Variants in CASR observed in about 807,000 individuals in gnomAD.
CASR encodes the protein calcium sensing receptor, also known as extracellular calcium-sensing receptor.
CASR carries 23 observed loss-of-function variants against 69.1 expected under a neutral mutation model. That is an observed-to-expected ratio of 0.33 (90% CI 0.24 to 0.47). The LOEUF is 0.47. Ranked by LOEUF, CASR falls within the 20% of genes least tolerant of loss-of-function variation. CASR has a pLI of 1.00. For synonymous variants in CASR, 541 were observed against 544.7 expected (o/e 0.99, Z 0.10); for missense variants, 924 against 1,356.1 (o/e 0.68, Z 5.00).
In CASR at chr3:122,283,583, A is replaced by G. The variant is rs961590751; in HGVS notation, c.1733-104A>G. The G allele has an allele frequency of 1.3e-4, 115 of 870,064 alleles. 1 individual carries two copies. In the South Asian group the frequency reaches 1.6e-3, roughly 12 times the overall value. The allele number at this position is 870,064 out of a possible 1,614,324, so 53.9% of individuals were successfully genotyped here. A position where few individuals can be genotyped will look rare whatever the true frequency, so the allele number is the denominator to read the frequency against. ...TTTCATCAAAATGGAGAAAATATGT[A>G]GTGACCACATCCAAAAAACTATGTA... On this transcript the variant is annotated intron_variant, in intron 6 of 6. Transcript: ENST00000639785.
intron 1 of CASR, among the ~76,000 whole-genome samples, chr3:122,229,744 C>G (rs936019884): frequency 7.3e-5 from 11 of 150,890 alleles, no homozygotes; most frequent in Non-Finnish European, 1.6e-4. Context: ...CACCTGTAAT[C>G]TCAGCTACTC....
At chr3:122,256,385 TTTTA>T (rs1265606645) in intron 2 of CASR, among the ~76,000 whole-genome samples, 2 of 152,262 alleles carry the variant, frequency 1.3e-5, no homozygotes, top group East Asian at 1.9e-4. Context: ...TACATATTGC[TTTTA>T]TTTAAGTACC....
rs2074527950 is a variant in CASR, at chr3:122,254,202, A to G, written c.13A>G (p.Ser5Gly). The change falls in exon 2 of 7, where the codon AGC becomes GGC. Residue 5 changes from serine (S) to glycine (G), a missense_variant. By Grantham distance (56) the Ser-to-Gly change is moderately conservative (BLOSUM62 0). This residue lies in a region of CASR where 28 missense variants were observed against 22.1 expected (regional missense o/e 1.27). Transcript: ENST00000639785. Reference sequence around the variant, plus strand: ...AGACGGCAGAACCATGGCATTTTATAGCTGCTGCTGGGTCCTCTTGGCACT... The same window carrying G: ...AGACGGCAGAACCATGGCATTTTATGGCTGCTGCTGGGTCCTCTTGGCACT... MAFY[S>G]CCWVLLALTW... 6.2e-7 allele frequency: 1 copy of G among 1,613,010 alleles called. No homozygotes were observed. The highest frequency in any genetic ancestry group is 1.3e-5 in the African/African-American group (1 of 74,888).
In CASR at chr3:122,261,605, T is replaced by C; in HGVS notation, c.570T>C (p.Asp190=). Residue 190 remains aspartate, a synonymous_variant, in exon 4 of 7, where the codon GAT becomes GAC. Coordinates refer to ENST00000639785, the MANE Select transcript of CASR (RefSeq NM_000388.4). Reference sequence around the variant, plus strand: ...CTTTCCTCCGAACCATCCCCAATGATGAGCACCAGGCCACTGCCATGGCAG... The same window carrying C: ...CTTTCCTCCGAACCATCCCCAATGACGAGCACCAGGCCACTGCCATGGCAG... ...FKSFLRTIPN[D]EHQATAMADI... 1 of 1,614,208 alleles carries C rather than the reference T, an allele frequency of 6.2e-7. No homozygotes were observed. The highest frequency in any genetic ancestry group is 8.5e-7 in the Non-Finnish European group (1 of 1,180,018).
chr3:122,261,306 G>T (rs191797312), intron 3 of CASR, among the ~76,000 whole-genome samples: 3 of 152,254 alleles, frequency 2.0e-5, no homozygotes, highest in Non-Finnish European at 4.4e-5. Context: ...TGGGAATTGG[G>T]ATGCTCCCTC....
At position 122,270,724 on chromosome 3, in the gene CASR, C is replaced by T. The variant is rs556007912; in HGVS notation, c.1378-5088C>T. On this transcript the variant is annotated intron_variant, in intron 4 of 6. Coordinates refer to ENST00000639785, the MANE Select transcript of CASR (RefSeq NM_000388.4). ...TTTCATTTTAATTCAATTTAAAATACGTTCCAACTTTCCTTTTGATTTCTT... is the reference window on the plus strand; with the variant it reads ...TTTCATTTTAATTCAATTTAAAATATGTTCCAACTTTCCTTTTGATTTCTT... Among the ~76,000 whole-genome samples the T allele has an allele frequency of 2.1e-3, 319 of 152,202 alleles. 2 individuals carry two copies. The highest frequency in any genetic ancestry group is 7.4e-3 in the African/African-American group (306 of 41,540).
intron 1 of CASR, among the ~76,000 whole-genome samples, chr3:122,244,449 G>GA (rs33998636): frequency 0.67 from 101,639 of 151,914 alleles, 34,264 homozygotes; most frequent in Admixed American, 0.78. Flanking sequence ...ACAATAATGA[G>GA]AAAAAACAAA....
intron 1 of CASR, among the ~76,000 whole-genome samples, chr3:122,234,875 A>G (rs1222323427): frequency 1.3e-5 from 2 of 152,230 alleles, no homozygotes; most frequent in Non-Finnish European, 2.9e-5. Context: ...TGAATGTAGT[A>G]TGTTCCAGGA....
intron 1 of CASR, among the ~76,000 whole-genome samples, chr3:122,190,617 C>T (rs2073830901): frequency 6.6e-6 from 1 of 152,178 alleles, no homozygotes; most frequent in African/African-American, 2.4e-5. Flanking sequence ...GCTCATCAAG[C>T]ATAGACAGCG....
intron 1 of CASR, among the ~76,000 whole-genome samples, chr3:122,186,798 C>T (rs1350309101): frequency 2.6e-5 from 4 of 152,104 alleles, no homozygotes; most frequent in African/African-American, 9.7e-5. Context: ...TTGTTGTTTA[C>T]GTAGGACCAG....
At chr3:122,227,335 C>A (rs1326386110) in intron 1 of CASR, among the ~76,000 whole-genome samples, 3 of 152,214 alleles carry the variant, frequency 2.0e-5, no homozygotes, top group South Asian at 4.1e-4. Context: ...AGGGCTCAGG[C>A]ATGGCGGGCT....
intron 2 of CASR, 107 bp from the exon 3 acceptor site, chr3:122,256,974 A>C: frequency 1.1e-5 from 10 of 914,598 alleles, no homozygotes; most frequent in South Asian, 1.4e-5. Context: ...CCATGAAGCC[A>C]GAGAGTAGTA....
rs1263653202 is a variant in CASR, at chr3:122,291,240, T to C, written c.*6049T>C. 1.3e-5 allele frequency: 2 copies of C among 151,822 alleles called. No homozygotes were observed. Among genetic ancestry groups the C allele is most frequent in the South Asian group, 2.1e-4 (1 of 4,782 alleles). 9.4% of individuals were successfully genotyped at this position (151,822 alleles called of 1,614,324 possible). ...CATGATTTCTAATCCTTTGGGTATA[T>C]ACCCAGTAATGGGATGGCTGGGTCA... On this transcript the variant is annotated 3_prime_UTR_variant, in exon 7 of 7. Coordinates refer to ENST00000639785, the MANE Select transcript of CASR (RefSeq NM_000388.4).
In CASR at chr3:122,254,228, C is replaced by T; in HGVS notation, c.39C>T (p.Leu13=). The T allele has an allele frequency of 6.2e-7, 1 of 1,613,768 alleles. No homozygotes were observed. Among genetic ancestry groups the T allele is most frequent in the Non-Finnish European group, 8.5e-7 (1 of 1,180,024 alleles). The change falls in exon 2 of 7, where the codon CTC becomes CTT. Residue 13 remains leucine (L), a synonymous_variant. Coordinates refer to ENST00000639785, the MANE Select transcript of CASR (RefSeq NM_000388.4). ...GCTGCTGCTGGGTCCTCTTGGCACT[C>T]ACCTGGCACACCTCTGCCTACGGGC... ...FYSCCWVLLA[L]TWHTSAYGPD... is the part of the protein sequence containing the mutation.
intron 4 of CASR, among the ~76,000 whole-genome samples, chr3:122,269,409 G>T (rs1287289168): frequency 6.6e-6 from 1 of 152,150 alleles, no homozygotes; most frequent in East Asian, 1.9e-4. Flanking sequence ...ATATTGCCGA[G>T]AGCTTTTATC....
intron 1 of CASR, among the ~76,000 whole-genome samples, chr3:122,210,532 G>C (rs1195476730): frequency 6.6e-6 from 1 of 152,054 alleles, no homozygotes; most frequent in Non-Finnish European, 1.5e-5. Flanking sequence ...AGCTAACAAG[G>C]GAAGTGAAGG....
At position 122,184,616 on chromosome 3, in the gene CASR, G is replaced by C. The variant is rs1056231574; in HGVS notation, c.-243+804G>C. 4 of 152,626 alleles carry C rather than the reference G, an allele frequency of 2.6e-5. No homozygotes were observed. In the South Asian group the frequency reaches 6.2e-4, roughly 24 times the overall value. The allele number at this position is 152,626 out of a possible 1,614,324, so 9.5% of individuals were successfully genotyped here. On this transcript the variant is annotated intron_variant, in intron 1 of 6. Transcript: ENST00000639785. The stretch of plus-strand genomic sequence containing the variant: ...GCGGGGTCTGGGGGCCAAGGGCTCC[G>C]GGCCGAACGAGGGGCACACGCCGGA...
At position 122,285,230 on chromosome 3, in the gene CASR, G is replaced by T; in HGVS notation, c.*39G>T. 1 of 1,587,750 alleles carries T rather than the reference G, an allele frequency of 6.3e-7. No individual in the cohort carries two copies. ...GACTGGGCTAGGGAGAATGCAGAGA[G>T]GTTTCTTGGGGTCCCAGGGAAGAGG... On this transcript the variant is annotated 3_prime_UTR_variant, in exon 7 of 7. Coordinates refer to ENST00000639785, the MANE Select transcript of CASR (RefSeq NM_000388.4).
At chr3:122,231,629 A>T (rs114995735) in intron 1 of CASR, among the ~76,000 whole-genome samples, 1 of 152,154 alleles carries the variant, frequency 6.6e-6, no homozygotes, top group Non-Finnish European at 1.5e-5. Context: ...CTAGTCACTT[A>T]ACCTTGCCTT....
Sources: allele counts gnomAD v4.1 joint callset (sites outside exome capture counted in the v4.1 genomes callset), GRCh38; gene constraint gnomAD v4.1.1; regional missense constraint gnomAD v4.1.1; transcripts MANE v1.5; gene names NCBI Gene and HGNC (gene_info 2026-07-23, HGNC 2026-07-21).